Variants in TCF7L2 observed in about 807,000 individuals in gnomAD.
TCF7L2 encodes transcription factor 7-like 2.
TCF7L2 carries 23 observed loss-of-function variants against 77.9 expected under a neutral mutation model. That is an observed-to-expected ratio of 0.30 (90% CI 0.21 to 0.42). The LOEUF (loss-of-function observed/expected upper bound fraction) is 0.42, where lower values mean the gene tolerates loss of function less well. Ranked by LOEUF, TCF7L2 falls within the 10% of genes least tolerant of loss-of-function variation. TCF7L2 has a pLI of 1.00. For synonymous variants in TCF7L2, 413 were observed against 340.2 expected, an observed-to-expected ratio of 1.21 and a Z score of -2.36; for missense variants, 654 against 793.1, an observed-to-expected ratio of 0.82 and a Z score of 2.11.
At chr10:113,062,873 A>G (rs1299052585) in intron 5 of TCF7L2, among the ~76,000 whole-genome samples, 1 of 152,186 alleles carries the variant, frequency 6.6e-6, no homozygotes, top group African/African-American at 2.4e-5. Flanking sequence ...ACTGAATAAT[A>G]CATTGGGCAT....
At chr10:113,076,869 T>C (rs918921300) in intron 5 of TCF7L2, among the ~76,000 whole-genome samples, 3 of 152,194 alleles carry the variant, frequency 2.0e-5, no homozygotes, top group African/African-American at 7.2e-5. Flanking sequence ...CCACCAGATA[T>C]CAAGTAAAGA....
chr10:112,965,629 ATG>A (rs59587175), intron 4 of TCF7L2, among the ~76,000 whole-genome samples: 5,297 of 137,178 alleles, frequency 0.039, 189 homozygotes, highest in African/African-American at 0.1. Flanking sequence ...GTGTGTGTAT[ATG>A]TGTGTGTGTG....
intron 5 of TCF7L2, among the ~76,000 whole-genome samples, chr10:113,123,651 A>C (rs950395830): frequency 9.2e-5 from 14 of 152,196 alleles, no homozygotes; most frequent in African/African-American, 3.4e-4. Context: ...GATTTTTTTT[A>C]AAGTGGCATT....
chr10:112,991,803 G>A (rs572763124), intron 4 of TCF7L2, among the ~76,000 whole-genome samples: 15 of 152,254 alleles, frequency 9.9e-5, no homozygotes, highest in African/African-American at 2.6e-4. Context: ...AGTAGGGCAC[G>A]TGGGGCACTC....
intron 4 of TCF7L2, among the ~76,000 whole-genome samples, chr10:113,019,926 G>A (rs2048014209): frequency 6.6e-6 from 1 of 152,102 alleles, no homozygotes. Flanking sequence ...TTATGTTAAA[G>A]GCTTGACAAC....
At chr10:113,102,669 G>C (rs533154620) in intron 5 of TCF7L2, among the ~76,000 whole-genome samples, 1 of 152,032 alleles carries the variant, frequency 6.6e-6, no homozygotes, top group African/African-American at 2.4e-5. Flanking sequence ...CAGGTGATCT[G>C]TCTTCCTCGG....
intron 3 of TCF7L2, among the ~76,000 whole-genome samples, chr10:112,961,800 G>A (rs979912103): frequency 9.3e-5 from 14 of 150,702 alleles, no homozygotes; most frequent in African/African-American, 1.5e-4. Context: ...TTTCTGTGTC[G>A]CTGGGCACGT....
At position 113,165,843 on chromosome 10, in the gene TCF7L2, A is replaced by G. The variant is rs1313191744; in HGVS notation, c.1680A>G (p.Pro560=). 3.1e-6 allele frequency: 5 copies of G among 1,605,186 alleles called. No individual in the cohort carries two copies. The highest frequency in any genetic ancestry group is 2.2e-5 in the East Asian group (1 of 44,656). The change falls in exon 14 of 14, where the codon CCA becomes CCG. Residue 560 remains proline, a synonymous_variant. Transcript: ENST00000627217. The stretch of plus-strand genomic sequence containing the variant: ...CCAACGGGGCCCTGGACCTGCCCCC[A>G]GCCGCTTTGCAGCCTGCCGCCCCCT...
intron 4 of TCF7L2, among the ~76,000 whole-genome samples, chr10:113,019,103 A>T (rs1487642219): frequency 6.6e-6 from 1 of 152,172 alleles, no homozygotes; most frequent in African/African-American, 2.4e-5. Context: ...ATGGTAGAGC[A>T]TCCTCACTCT....
intron 5 of TCF7L2, among the ~76,000 whole-genome samples, chr10:113,059,635 A>G (rs1295883508): frequency 6.6e-6 from 1 of 152,178 alleles, no homozygotes; most frequent in Non-Finnish European, 1.5e-5. Flanking sequence ...GAACTGGGAC[A>G]TAAACAAAAA....
At chr10:112,991,337 G>C (rs2042489451) in intron 4 of TCF7L2, among the ~76,000 whole-genome samples, 1 of 151,948 alleles carries the variant, frequency 6.6e-6, no homozygotes, top group Non-Finnish European at 1.5e-5. Context: ...AAACCATCCT[G>C]GCTAACACGA....
At chr10:113,141,654 G>A (rs1048961920) in intron 6 of TCF7L2, among the ~76,000 whole-genome samples, 5 of 152,172 alleles carry the variant, frequency 3.3e-5, no homozygotes, top group African/African-American at 1.2e-4. Context: ...AGAGCCTCAG[G>A]CAGACATGGA....
At chr10:113,117,414 T>TTCCCC (rs2063926204) in intron 5 of TCF7L2, among the ~76,000 whole-genome samples, 1 of 41,404 alleles carries the variant, frequency 2.4e-5, no homozygotes, top group South Asian at 7.5e-4. Flanking sequence ...TCTCTCTCTC[T>TTCCCC]CTCTCTCTCT....
chr10:113,041,077 A>G (rs1171992876), intron 5 of TCF7L2, among the ~76,000 whole-genome samples: 6 of 152,208 alleles, frequency 3.9e-5, no homozygotes, highest in Non-Finnish European at 5.9e-5. Context: ...GAAAAATCTT[A>G]AGATGCATTC....
chr10:112,967,163 G>C (rs987801938), intron 4 of TCF7L2, among the ~76,000 whole-genome samples: 1 of 152,214 alleles, frequency 6.6e-6, no homozygotes, highest in Non-Finnish European at 1.5e-5. Flanking sequence ...ATGTGGCATA[G>C]AGCAGATATG....
At chr10:113,159,362 T>C (rs993164777) in intron 12 of TCF7L2, among the ~76,000 whole-genome samples, 1 of 152,162 alleles carries the variant, frequency 6.6e-6, no homozygotes, top group Non-Finnish European at 1.5e-5. Flanking sequence ...AAAGCTGCAA[T>C]ATCCCAGTAC....
chr10:113,049,503 C>T (rs2054038432), intron 5 of TCF7L2, among the ~76,000 whole-genome samples: 1 of 152,124 alleles, frequency 6.6e-6, no homozygotes, highest in Admixed American at 6.5e-5. Context: ...CTTATCACCA[C>T]CTCTGCCATT....
intron 5 of TCF7L2, among the ~76,000 whole-genome samples, chr10:113,135,350 T>C (rs1270734086): frequency 6.6e-6 from 1 of 152,012 alleles, no homozygotes; most frequent in Non-Finnish European, 1.5e-5. Flanking sequence ...TGGAAGGGCT[T>C]TGTGTGCCTT....
chr10:113,087,395 C>T (rs1401000736), intron 5 of TCF7L2, among the ~76,000 whole-genome samples: 1 of 152,228 alleles, frequency 6.6e-6, no homozygotes, highest in Non-Finnish European at 1.5e-5. Context: ...AGGATTAAAC[C>T]CTCATGTTGC....
Sources: allele counts gnomAD v4.1 joint callset (sites outside exome capture counted in the v4.1 genomes callset), GRCh38; gene constraint gnomAD v4.1.1; transcripts MANE v1.5; gene names NCBI Gene and HGNC (gene_info 2026-07-23, HGNC 2026-07-21).